ARHGAP18: variants seen among roughly 807,000 people sequenced by gnomAD.
ARHGAP18 encodes Rho GTPase activating protein 18, also known as rho GTPase-activating protein 18.
Under a neutral mutation model 86.2 loss-of-function variants are expected in ARHGAP18, and 67 were observed. The observed-to-expected ratio is 0.78, with a 90% CI of 0.64 to 0.95. ARHGAP18 has a LOEUF of 0.95. Ranked by LOEUF, ARHGAP18 falls within the 40% of genes least tolerant of loss-of-function variation. The pLI is 0.00. For missense variants in ARHGAP18, 691 were observed against 780.4 expected, an observed-to-expected ratio of 0.89 and a Z score of 1.37; for synonymous variants, 283 against 280.4, an observed-to-expected ratio of 1.01 and a Z score of -0.09.
At chr6:129,681,493 T>TCTA (rs1409798888) in intron 1 of ARHGAP18, among the ~76,000 whole-genome samples, 1 of 152,232 alleles carries the variant, frequency 6.6e-6, no homozygotes, top group Admixed American at 6.5e-5. Flanking sequence ...ATAAGCCCCA[T>TCTA]CTACTTTCTT....
At chr6:129,704,871 A>G (rs1219589540) in intron 1 of ARHGAP18, among the ~76,000 whole-genome samples, 1 of 152,124 alleles carries the variant, frequency 6.6e-6, no homozygotes, top group African/African-American at 2.4e-5. Flanking sequence ...TAAGGTTATC[A>G]ACTCCCACCT....
chr6:129,688,339 T>C (rs1469341814), intron 1 of ARHGAP18, among the ~76,000 whole-genome samples: 1 of 141,774 alleles, frequency 7.1e-6, no homozygotes, highest in Admixed American at 7.5e-5. Context: ...TAAACACCTA[T>C]AGCAAGGTTT....
chr6:129,678,728 G>C (rs1029641722), intron 1 of ARHGAP18, among the ~76,000 whole-genome samples: 1 of 152,130 alleles, frequency 6.6e-6, no homozygotes, highest in Non-Finnish European at 1.5e-5. Context: ...GAGCTTTGTA[G>C]TATTAAATTT....
chr6:129,608,423 TAAA>T (rs1037958903), intron 8 of ARHGAP18, among the ~76,000 whole-genome samples: 15 of 151,982 alleles, frequency 9.9e-5, no homozygotes, highest in African/African-American at 3.6e-4. Flanking sequence ...AAAAAATCAT[TAAA>T]AAAGAAGTAT....
chr6:129,653,286 A>G (rs183026732), intron 1 of ARHGAP18, among the ~76,000 whole-genome samples: 1 of 152,200 alleles, frequency 6.6e-6, no homozygotes, highest in Non-Finnish European at 1.5e-5. Context: ...TTATAAAGTA[A>G]TGTTGGTAAA....
At chr6:129,662,537 C>A (rs951585879) in intron 1 of ARHGAP18, among the ~76,000 whole-genome samples, 1 of 152,252 alleles carries the variant, frequency 6.6e-6, no homozygotes, top group African/African-American at 2.4e-5. Flanking sequence ...GTAATACATG[C>A]TTCCCTCTAC....
chr6:129,591,809 G>A (rs1788521492), intron 12 of ARHGAP18, among the ~76,000 whole-genome samples: 2 of 152,220 alleles, frequency 1.3e-5, no homozygotes, highest in South Asian at 4.1e-4. Flanking sequence ...TTTTCAAAAA[G>A]AAGGCCAGAT....
intron 8 of ARHGAP18, among the ~76,000 whole-genome samples, chr6:129,609,694 T>C (rs1308610771): frequency 1.3e-5 from 2 of 151,972 alleles, no homozygotes; most frequent in Non-Finnish European, 2.9e-5. Context: ...AGTGAGACAA[T>C]GACAAGCTAT....
chr6:129,670,053 T>A (rs1260885111), intron 1 of ARHGAP18, among the ~76,000 whole-genome samples: 1 of 152,224 alleles, frequency 6.6e-6, no homozygotes, highest in East Asian at 1.9e-4. Flanking sequence ...TCTTATACTT[T>A]GTATAATTTT....
At chr6:129,669,143 C>T (rs1270158175) in intron 1 of ARHGAP18, among the ~76,000 whole-genome samples, 2 of 151,886 alleles carry the variant, frequency 1.3e-5, no homozygotes, top group East Asian at 1.9e-4. Context: ...CTCCGTACTC[C>T]AACTGCTGTG....
intron 7 of ARHGAP18, among the ~76,000 whole-genome samples, chr6:129,614,247 G>A (rs1427874179): frequency 5.9e-5 from 9 of 152,022 alleles, no homozygotes; most frequent in South Asian, 4.1e-4. Flanking sequence ...CAAATCAGTC[G>A]TTTCTAATTT....
chr6:129,599,415 C>A, intron 11 of ARHGAP18, 59 bp from the exon 12 acceptor site: 3 of 1,301,038 alleles, frequency 2.3e-6, no homozygotes, highest in South Asian at 2.1e-5. Flanking sequence ...TTTTAAACTA[C>A]AAAAAAAAAT....
intron 1 of ARHGAP18, among the ~76,000 whole-genome samples, chr6:129,645,287 C>T (rs531758506): frequency 2.0e-3 from 301 of 152,298 alleles, no homozygotes; most frequent in Admixed American, 4.0e-3. Context: ...TAAAACTGTT[C>T]TGCTAAGAGG....
Position 129,576,835 on chromosome 6 carries a change from G to A in ARHGAP18, c.*1678C>T, listed in dbSNP as rs141344897. 6 of 151,536 alleles carry A rather than the reference G, an allele frequency of 4.0e-5. No individual in the cohort carries two copies. The highest frequency in any genetic ancestry group is 1.5e-4 in the African/African-American group (6 of 41,304). The allele number at this position is 151,536 out of a possible 1,614,324, so 9.4% of individuals were successfully genotyped here. On this transcript the variant is annotated 3_prime_UTR_variant, in exon 15 of 15. Transcript: ENST00000368149. ...ACTAATAAGTACCATTTTGCTAATT[G>A]GGAAATTAATACATATTGTCAAAGA...
intron 1 of ARHGAP18, among the ~76,000 whole-genome samples, chr6:129,646,959 G>A (rs1430912413): frequency 3.9e-5 from 6 of 152,124 alleles, no homozygotes; most frequent in Admixed American, 2.0e-4. Context: ...GAAAATGCAC[G>A]TTTCAATTCT....
rs112429956 is a variant in ARHGAP18, at chr6:129,592,390, C to G, written c.1713+6826G>C. On this transcript the variant is annotated intron_variant, in intron 12 of 14. Coordinates refer to ENST00000368149, the MANE Select transcript of ARHGAP18 (RefSeq NM_033515.3). ...CATCTACACCGCACTGCTGCCAATGCCAGGATTCTTCCAGTGGTAGCAACA... is the reference window on the plus strand; with the variant it reads ...CATCTACACCGCACTGCTGCCAATGGCAGGATTCTTCCAGTGGTAGCAACA... Among the ~76,000 whole-genome samples, 1,426 of 152,276 alleles carry G rather than the reference C, an allele frequency of 9.4e-3. 24 individuals are homozygous for G. The highest frequency in any genetic ancestry group is 0.033 in the African/African-American group (1,372 of 41,542).
intron 1 of ARHGAP18, among the ~76,000 whole-genome samples, chr6:129,662,552 AAGTT>A (rs1440218520): frequency 5.9e-5 from 9 of 152,216 alleles, no homozygotes; most frequent in Non-Finnish European, 1.2e-4. Flanking sequence ...CTCTACAGCA[AAGTT>A]GTAGTCAGAT....
intron 1 of ARHGAP18, among the ~76,000 whole-genome samples, chr6:129,649,032 A>G (rs1315858915): frequency 6.6e-6 from 1 of 152,238 alleles, no homozygotes; most frequent in Non-Finnish European, 1.5e-5. Context: ...GAAGGCAGTA[A>G]GAAGTTGATT....
At position 129,625,026 on chromosome 6, in the gene ARHGAP18, ATGATATATATTTATATAATATATATGAT is replaced by A. The variant is rs1283479748; in HGVS notation, c.786+4299_786+4326del. ...TATATTTATATAATATATATGATAT[ATGATATATATTTATATAATATATATGAT>A]TGATATATATTTATATATAATATAT... On this transcript the variant is annotated intron_variant, in intron 5 of 14. Transcript: ENST00000368149. Among the ~76,000 whole-genome samples the A allele has an allele frequency of 8.5e-3, 752 of 88,392 alleles. 118 individuals carry two copies. The highest frequency in any genetic ancestry group is 0.038 in the African/African-American group (687 of 18,258). 58.0% of individuals were successfully genotyped at this position (88,392 alleles called of 152,430 possible).
Sources: allele counts gnomAD v4.1 joint callset (sites outside exome capture counted in the v4.1 genomes callset), GRCh38; gene constraint gnomAD v4.1.1; transcripts MANE v1.5; gene names NCBI Gene and HGNC (gene_info 2026-07-23, HGNC 2026-07-21).